RIN3: variants seen among roughly 807,000 people sequenced by gnomAD.
RIN3 encodes the protein Ras and Rab interactor 3, also known as RAB5 interacting protein 3.
RIN3 carries 54 observed loss-of-function variants against 76.3 expected under a neutral mutation model. The observed-to-expected ratio is 0.71, with a 90% CI of 0.57 to 0.89. The LOEUF (loss-of-function observed/expected upper bound fraction) is 0.89. Ranked by LOEUF, RIN3 falls within the 40% of genes least tolerant of loss-of-function variation. The pLI is 0.00. For synonymous variants in RIN3, 576 were observed against 564.0 expected (o/e 1.02, Z -0.30); for missense variants, 1,256 against 1,322.1 (o/e 0.95, Z 0.78).
chr14:92,584,950 C>CTGAG (rs1884714049), intron 3 of RIN3, among the ~76,000 whole-genome samples: 1 of 152,166 alleles, frequency 6.6e-6, no homozygotes, highest in Non-Finnish European at 1.5e-5. Flanking sequence ...AGCCATTTAC[C>CTGAG]CCATGTTTCC....
At chr14:92,526,707 C>T (rs1442193801) in intron 1 of RIN3, among the ~76,000 whole-genome samples, 6 of 152,170 alleles carry the variant, frequency 3.9e-5, no homozygotes, top group Non-Finnish European at 7.3e-5. Flanking sequence ...GAGCCAAGAT[C>T]GTGCCACTGC....
At chr14:92,523,172 G>A (rs1230347100) in intron 1 of RIN3, among the ~76,000 whole-genome samples, 2 of 152,146 alleles carry the variant, frequency 1.3e-5, no homozygotes, top group Non-Finnish European at 2.9e-5. Flanking sequence ...GAGTGCAGTG[G>A]CGATCTTGGC....
At chr14:92,619,562 C>G (rs1595460697) in intron 4 of RIN3, among the ~76,000 whole-genome samples, 2 of 151,642 alleles carry the variant, frequency 1.3e-5, no homozygotes, top group African/African-American at 2.4e-5. Context: ...GCCTCAGCCT[C>G]CCGAGCAGCT....
At chr14:92,665,203 T>C (rs908934668) in intron 7 of RIN3, among the ~76,000 whole-genome samples, 6 of 152,142 alleles carry the variant, frequency 3.9e-5, no homozygotes, top group South Asian at 2.1e-4. Flanking sequence ...CTGTAGGCAG[T>C]TGTAGCTCAG....
At chr14:92,538,467 A>C (rs1258738047) in intron 1 of RIN3, among the ~76,000 whole-genome samples, 1 of 152,178 alleles carries the variant, frequency 6.6e-6, no homozygotes, top group African/African-American at 2.4e-5. Flanking sequence ...ACTGTGGTAG[A>C]TGGGCCAGAC....
intron 3 of RIN3, among the ~76,000 whole-genome samples, chr14:92,586,173 G>A (rs1884767380): frequency 6.6e-6 from 1 of 152,208 alleles, no homozygotes. Flanking sequence ...CCTGGCACAT[G>A]GGACGCGCTC....
At chr14:92,543,700 A>G (rs1367333423) in intron 1 of RIN3, among the ~76,000 whole-genome samples, 1 of 139,010 alleles carries the variant, frequency 7.2e-6, no homozygotes, top group Non-Finnish European at 1.5e-5. Context: ...TTTCTCCCTC[A>G]GCCTCTCAAG....
chr14:92,683,923 T>TA (rs1234707958), intron 8 of RIN3, among the ~76,000 whole-genome samples: 1 of 152,244 alleles, frequency 6.6e-6, no homozygotes, highest in Non-Finnish European at 1.5e-5. Flanking sequence ...GGGTGTGTCC[T>TA]AATAAACCCA....
rs148577748 is a variant in RIN3, at chr14:92,594,228, T to A, written c.367+16751T>A. Among the ~76,000 whole-genome samples, 563 of 151,316 alleles carry A rather than the reference T, an allele frequency of 3.7e-3. 6 individuals are homozygous for A. The highest frequency in any genetic ancestry group is 0.013 in the African/African-American group (549 of 41,182). ...CGGGCAGATCACCTGAGGTCGGGAG[T>A]TTGAGACCACCCTGACTAATATGGA... On this transcript the variant is annotated intron_variant, in intron 3 of 9. Transcript: ENST00000216487.
At chr14:92,647,865 CA>C (rs943929336) in intron 5 of RIN3, among the ~76,000 whole-genome samples, 3 of 152,116 alleles carry the variant, frequency 2.0e-5, no homozygotes, top group African/African-American at 7.2e-5. Context: ...AGCCAACGCT[CA>C]ACAGGCCTTG....
chr14:92,602,541 C>A (rs931929143), intron 3 of RIN3, among the ~76,000 whole-genome samples: 2 of 152,170 alleles, frequency 1.3e-5, no homozygotes, highest in African/African-American at 2.4e-5. Flanking sequence ...AGTTTCCTCA[C>A]CTATTAAAGG....
intron 8 of RIN3, among the ~76,000 whole-genome samples, chr14:92,678,395 A>G (rs1888549386): frequency 6.8e-6 from 1 of 147,986 alleles, no homozygotes; most frequent in South Asian, 2.2e-4. Flanking sequence ...CTCACCCACC[A>G]ATCCACATAT....
At chr14:92,662,140 G>A (rs1415328345) in intron 7 of RIN3, among the ~76,000 whole-genome samples, 9 of 152,348 alleles carry the variant, frequency 5.9e-5, no homozygotes, top group Admixed American at 3.3e-4. Context: ...GAGGCGGAGG[G>A]TTAAGACCCC....
intron 7 of RIN3, among the ~76,000 whole-genome samples, chr14:92,664,364 CTTTTTTTTTTT>C (rs373597134): frequency 2.4e-5 from 2 of 84,446 alleles, no homozygotes; most frequent in South Asian, 8.6e-4. Flanking sequence ...TTCTTTCTTT[CTTTTTTTTTTT>C]TTTTTTTTTT....
At chr14:92,530,774 G>A (rs910697521) in intron 1 of RIN3, among the ~76,000 whole-genome samples, 3 of 152,038 alleles carry the variant, frequency 2.0e-5, no homozygotes, top group Non-Finnish European at 2.9e-5. Flanking sequence ...ATCCACGTGT[G>A]CCTGGATCCT....
At chr14:92,641,429 C>A in intron 5 of RIN3, 100 bp downstream of exon 5, 1 of 836,666 alleles carries the variant, frequency 1.2e-6, no homozygotes, top group South Asian at 1.5e-5. Context: ...CAGCCTGAGT[C>A]CCAGCTCCCA....
chr14:92,563,983 C>T (rs139887919), intron 2 of RIN3, among the ~76,000 whole-genome samples: 2 of 152,178 alleles, frequency 1.3e-5, no homozygotes, highest in African/African-American at 4.8e-5. Context: ...CCAGGATGGG[C>T]CCCAGCCACT....
At chr14:92,614,892 G>A (rs8021188) in intron 3 of RIN3, among the ~76,000 whole-genome samples, 5,147 of 143,912 alleles carry the variant, frequency 0.036, 323 homozygotes, top group African/African-American at 0.13. Context: ...TTGCCCAGGC[G>A]AAATGCTGTG....
intron 2 of RIN3, among the ~76,000 whole-genome samples, chr14:92,561,151 A>ATC (rs1251260454): frequency 2.6e-5 from 1 of 39,028 alleles, no homozygotes; most frequent in South Asian, 1.6e-3. Flanking sequence ...ATATTTTTAT[A>ATC]TATATATTTA....
Sources: allele counts gnomAD v4.1 joint callset (sites outside exome capture counted in the v4.1 genomes callset), GRCh38; gene constraint gnomAD v4.1.1; transcripts MANE v1.5; gene names NCBI Gene and HGNC (gene_info 2026-07-23, HGNC 2026-07-21).